SLC5A3: variants seen among roughly 807,000 people sequenced by gnomAD.
The protein encoded by SLC5A3 is sodium/myo-inositol cotransporter.
In SLC5A3, 10 loss-of-function variants were observed where a neutral mutation model predicts 43.2. The observed-to-expected ratio is 0.23, with a 90% CI of 0.14 to 0.39. The LOEUF is 0.39. SLC5A3 is among the 10% of genes least tolerant of loss of function. The pLI is 1.00. For synonymous variants in SLC5A3, 349 were observed against 322.0 expected (o/e 1.08, Z -0.90); for missense variants, 608 against 893.4 (o/e 0.68, Z 4.07).
chr21:34,097,534 T>C lies in SLC5A3; in HGVS notation c.*179T>C. 2 of 1,382,618 alleles carry C rather than the reference T, an allele frequency of 1.4e-6. No homozygotes were observed. The highest frequency in any genetic ancestry group is 9.4e-7 in the Non-Finnish European group (1 of 1,065,676). 85.6% of individuals were successfully genotyped at this position (1,382,618 alleles called of 1,614,324 possible). ...TTTCCCAGAGATGGATTAAAGTAAATCTTCAACTTAAGTGAAGCCAAACCT... is the reference window on the plus strand; with the variant it reads ...TTTCCCAGAGATGGATTAAAGTAAACCTTCAACTTAAGTGAAGCCAAACCT... On this transcript the variant is annotated 3_prime_UTR_variant, in exon 2 of 2. Transcript: ENST00000381151.
In SLC5A3 at chr21:34,097,565, A is replaced by C; in HGVS notation, c.*210A>C. On this transcript the variant is annotated 3_prime_UTR_variant, in exon 2 of 2. Coordinates refer to ENST00000381151, the MANE Select transcript of SLC5A3 (RefSeq NM_006933.7). ...ACTTAAGTGAAGCCAAACCTAACAG[A>C]CTGAATTGTGCAAATGTGGTTTTAA... is the stretch of plus-strand genomic sequence containing the variant. 1 of 1,341,080 alleles carries C rather than the reference A, an allele frequency of 7.5e-7. No individual in the cohort carries two copies. The highest frequency in any genetic ancestry group is 2.0e-5 in the South Asian group (1 of 50,696). 83.1% of individuals were successfully genotyped at this position (1,341,080 alleles called of 1,614,324 possible).
rs1240305901 is a variant in SLC5A3 at position 34,097,531 on chromosome 21, A to C, written c.*176A>C. ...TATTTTCCCAGAGATGGATTAAAGT[A>C]AATCTTCAACTTAAGTGAAGCCAAA... is the stretch of plus-strand genomic sequence containing the variant. On this transcript the variant is annotated 3_prime_UTR_variant, in exon 2 of 2. Transcript: ENST00000381151. 1 of 1,383,784 alleles carries C rather than the reference A, an allele frequency of 7.2e-7. No individual in the cohort carries two copies. Among genetic ancestry groups the C allele is most frequent in the Admixed American group, 3.4e-5 (1 of 29,048 alleles). 85.7% of individuals were successfully genotyped at this position (1,383,784 alleles called of 1,614,324 possible).
chr21:34,086,726 A>T (rs1049164942), intron 1 of SLC5A3, among the ~76,000 whole-genome samples: 3 of 152,148 alleles, frequency 2.0e-5, no homozygotes, highest in Admixed American at 2.0e-4. Flanking sequence ...TCAAACATGT[A>T]GTGTAAAAAT....
chr21:34,103,644 AC>A lies in SLC5A3; in HGVS notation c.*6290del. 1 of 1,000,154 alleles carries A rather than the reference AC, an allele frequency of 1.0e-6. No individual in the cohort carries two copies. The highest frequency in any genetic ancestry group is 1.7e-5 in the African/African-American group (1 of 57,338). 62.0% of individuals were successfully genotyped at this position (1,000,154 alleles called of 1,614,324 possible). A position where few individuals can be genotyped will look rare whatever the true frequency, so the allele number is the denominator to read the frequency against. On this transcript the variant is annotated 3_prime_UTR_variant, in exon 2 of 2. Transcript: ENST00000381151. ...AGACTAATAGTATTCTCTGTATCCCACAAGTGCCAGTCATAAAGGCCACCAG... is the reference window on the plus strand; with the variant it reads ...AGACTAATAGTATTCTCTGTATCCCAAAGTGCCAGTCATAAAGGCCACCAG...
rs1315611556 is a variant in SLC5A3, at chr21:34,102,879, C to T, written c.*5524C>T. 1.0e-6 allele frequency: 1 copy of T among 999,748 alleles called. No individual in the cohort carries two copies. Among genetic ancestry groups the T allele is most frequent in the African/African-American group, 1.7e-5 (1 of 57,242 alleles). 61.9% of individuals were successfully genotyped at this position (999,748 alleles called of 1,614,324 possible). Reference sequence around the variant, plus strand: ...CTATCAATAAGAGGAATACATATTACAGTGAATTCGACAACCGCACAAGTT... The same window carrying T: ...CTATCAATAAGAGGAATACATATTATAGTGAATTCGACAACCGCACAAGTT... On this transcript the variant is annotated 3_prime_UTR_variant, in exon 2 of 2. Transcript: ENST00000381151.
At chr21:34,079,865 A>T (rs1200426560) in intron 1 of SLC5A3, among the ~76,000 whole-genome samples, 1 of 151,936 alleles carries the variant, frequency 6.6e-6, no homozygotes, top group Non-Finnish European at 1.5e-5. Context: ...TGGCACTGCA[A>T]ACTCAGTGTG....
Position 34,103,890 on chromosome 21 carries a change from C to G in SLC5A3, c.*6535C>G. ...GAGGGCTTTTTACTGCAACTTGAAACTGGAGAAATAGGGACAGATGTCTAG... is the reference window on the plus strand; with the variant it reads ...GAGGGCTTTTTACTGCAACTTGAAAGTGGAGAAATAGGGACAGATGTCTAG... On this transcript the variant is annotated 3_prime_UTR_variant, in exon 2 of 2. Transcript: ENST00000381151. The G allele has an allele frequency of 1.0e-6, 1 of 1,000,044 alleles. No individual in the cohort carries two copies. The highest frequency in any genetic ancestry group is 4.7e-5 in the South Asian group (1 of 21,258). 61.9% of individuals were successfully genotyped at this position (1,000,044 alleles called of 1,614,324 possible). A position where few individuals can be genotyped will look rare whatever the true frequency, so the allele number is the denominator to read the frequency against.
chr21:34,103,466 T>G lies in SLC5A3; in HGVS notation c.*6111T>G. 1.0e-6 allele frequency: 1 copy of G among 998,896 alleles called. No homozygotes were observed. The allele number at this position is 998,896 out of a possible 1,614,324, so 61.9% of individuals were successfully genotyped here. On this transcript the variant is annotated 3_prime_UTR_variant, in exon 2 of 2. Transcript: ENST00000381151. ...AAAACTTAAAGTTACTTATGTTCTG[T>G]GATCTTAATTTTGTTGTGTTTCCAT... is the stretch of plus-strand genomic sequence containing the variant.
rs753276201 is a variant in SLC5A3 at position 34,095,882 on chromosome 21, A to C, written c.684A>C (p.Leu228Phe). 2.2e-5 allele frequency: 35 copies of C among 1,613,946 alleles called. No individual in the cohort carries two copies. The South Asian group carries it at 3.4e-4, about 16-fold the overall frequency. The change falls in exon 2 of 2, where the codon TTA becomes TTC. Residue 228 changes from leucine to phenylalanine, a missense_variant. Leu to Phe is a conservative substitution (Grantham distance 22). This residue lies in a region of SLC5A3 where 398 missense variants were observed against 668.6 expected (regional missense o/e 0.60). Coordinates refer to ENST00000381151, the MANE Select transcript of SLC5A3 (RefSeq NM_006933.7). Reference protein sequence around the residue: ...MLASPDVTSILLTYNLSNTNS... With the variant: ...MLASPDVTSIFLTYNLSNTNS... ...CCTCACCCGATGTCACTTCCATCTT[A>C]TTGACATACAACCTTTCCAACACAA... is the stretch of plus-strand genomic sequence containing the variant.
chr21:34,105,328 G>A lies in SLC5A3; in HGVS notation c.*7973G>A, dbSNP rs1979429704. 1 of 998,346 alleles carries A rather than the reference G, an allele frequency of 1.0e-6. No individual in the cohort carries two copies. The highest frequency in any genetic ancestry group is 1.8e-5 in the African/African-American group (1 of 57,136). 61.8% of individuals were successfully genotyped at this position (998,346 alleles called of 1,614,324 possible). A position where few individuals can be genotyped will look rare whatever the true frequency, so the allele number is the denominator to read the frequency against. ...CTTTCTTTTTTCTTTTTGATAAGAT[G>A]GATATCAAAAATAGTTGCTGTGCAA... On this transcript the variant is annotated 3_prime_UTR_variant, in exon 2 of 2. Coordinates refer to ENST00000381151, the MANE Select transcript of SLC5A3 (RefSeq NM_006933.7).
At chr21:34,091,222 T>C (rs1052541540) in intron 1 of SLC5A3, among the ~76,000 whole-genome samples, 6 of 149,766 alleles carry the variant, frequency 4.0e-5, no homozygotes, top group African/African-American at 1.5e-4. Flanking sequence ...GAGGTGGTTG[T>C]TTGGTCACGT....
chr21:34,098,635 A>G lies in SLC5A3; in HGVS notation c.*1280A>G, dbSNP rs1979084097. 1.0e-6 allele frequency: 1 copy of G among 1,000,278 alleles called. No homozygotes were observed. Among genetic ancestry groups the G allele is most frequent in the Non-Finnish European group, 1.2e-6 (1 of 830,006 alleles). The allele number at this position is 1,000,278 out of a possible 1,614,324, so 62.0% of individuals were successfully genotyped here. A position where few individuals can be genotyped will look rare whatever the true frequency, so the allele number is the denominator to read the frequency against. On this transcript the variant is annotated 3_prime_UTR_variant, in exon 2 of 2. Coordinates refer to ENST00000381151, the MANE Select transcript of SLC5A3 (RefSeq NM_006933.7). ...ATAGTCTTTCTGTAGGATGGATAGC[A>G]TGTTTGAGAGGTGCCAAACAAGAAC...
In SLC5A3 at chr21:34,105,441, C is replaced by T; in HGVS notation, c.*8086C>T. 1.0e-6 allele frequency: 1 copy of T among 999,146 alleles called. No individual in the cohort carries two copies. Among genetic ancestry groups the T allele is most frequent in the Non-Finnish European group, 1.2e-6 (1 of 829,248 alleles). 61.9% of individuals were successfully genotyped at this position (999,146 alleles called of 1,614,324 possible). A position where few individuals can be genotyped will look rare whatever the true frequency, so the allele number is the denominator to read the frequency against. ...CTTCATTCATTCATTTATTTTTAAG[C>T]CAAATGTCAGCAGAGTGCTGCTGCT... On this transcript the variant is annotated 3_prime_UTR_variant, in exon 2 of 2. Transcript: ENST00000381151.
Position 34,101,620 on chromosome 21 carries a change from C to A in SLC5A3, c.*4265C>A. The A allele has an allele frequency of 1.0e-6, 1 of 1,000,124 alleles. No homozygotes were observed. The highest frequency in any genetic ancestry group is 1.2e-6 in the Non-Finnish European group (1 of 829,938). 62.0% of individuals were successfully genotyped at this position (1,000,124 alleles called of 1,614,324 possible). On this transcript the variant is annotated 3_prime_UTR_variant, in exon 2 of 2. Coordinates refer to ENST00000381151, the MANE Select transcript of SLC5A3 (RefSeq NM_006933.7). Reference sequence around the variant, plus strand: ...TACACCTAGTCTTTTCAGCACTTAGCAAATTCAAATTTTGATTTTTTTGTC... The same window carrying A: ...TACACCTAGTCTTTTCAGCACTTAGAAAATTCAAATTTTGATTTTTTTGTC...
chr21:34,094,562 C>T (rs986717312), intron 1 of SLC5A3, among the ~76,000 whole-genome samples: 14 of 152,242 alleles, frequency 9.2e-5, no homozygotes, highest in African/African-American at 3.4e-4. Flanking sequence ...GAGCATACCA[C>T]AGTAAGACAA....
chr21:34,096,070 A>G lies in SLC5A3; in HGVS notation c.872A>G (p.Asn291Ser). The change falls in exon 2 of 2, where the codon AAC becomes AGC. Residue 291 changes from asparagine to serine, a missense_variant. Asn to Ser is a conservative substitution (Grantham distance 46). Around this residue, in one of 2 missense-constraint regions of SLC5A3, gnomAD observed 398 missense variants for 668.6 expected, o/e 0.60. Coordinates refer to ENST00000381151, the MANE Select transcript of SLC5A3 (RefSeq NM_006933.7). The surrounding 1 kb of genome is among the most constrained non-coding windows in gnomAD (Gnocchi z 5.9). ...GTGCAGAGGGTCCTTGCAGCCAAAA[A>G]CATTGCTCATGCCAAAGGCTCTACT... Reference protein sequence around the residue: ...VIVQRVLAAKNIAHAKGSTLM... With the variant: ...VIVQRVLAAKSIAHAKGSTLM... 1.2e-6 allele frequency: 2 copies of G among 1,614,084 alleles called. No homozygotes were observed. Among genetic ancestry groups the G allele is most frequent in the Non-Finnish European group, 1.7e-6 (2 of 1,179,988 alleles).
chr21:34,080,295 C>A lies in SLC5A3; in HGVS notation c.-337+6550C>A, dbSNP rs796080967. 1.8e-4 allele frequency among the ~76,000 whole-genome samples: 27 copies of A among 152,336 alleles called. 1 individual carries two copies. Among genetic ancestry groups the A allele is most frequent in the African/African-American group, 6.5e-4 (27 of 41,584 alleles). On this transcript the variant is annotated intron_variant, in intron 1 of 1. Coordinates refer to ENST00000381151, the MANE Select transcript of SLC5A3 (RefSeq NM_006933.7). ...ACTGCATACTTCTCATTTTCAAATA[C>A]ATGCAGGATGAAGTCACATCCAAGG...
chr21:34,101,474 GATA>G lies in SLC5A3; in HGVS notation c.*4123_*4125del. On this transcript the variant is annotated 3_prime_UTR_variant, in exon 2 of 2. Coordinates refer to ENST00000381151, the MANE Select transcript of SLC5A3 (RefSeq NM_006933.7). ...AGGTTGTTGAAGGCATTTCAGTGTT[GATA>G]ATAGCCTGAGCAGACTTCTTTACAA... The G allele has an allele frequency of 1.0e-6, 1 of 1,000,010 alleles. No individual in the cohort carries two copies. Among genetic ancestry groups the G allele is most frequent in the Non-Finnish European group, 1.2e-6 (1 of 829,790 alleles). The allele number at this position is 1,000,010 out of a possible 1,614,324, so 61.9% of individuals were successfully genotyped here.
chr21:34,097,105 C>G lies in SLC5A3; in HGVS notation c.1907C>G (p.Ala636Gly), dbSNP rs1274964526. The G allele has an allele frequency of 6.2e-7, 1 of 1,613,922 alleles. No homozygotes were observed. The highest frequency in any genetic ancestry group is 8.5e-7 in the Non-Finnish European group (1 of 1,179,980). The change falls in exon 2 of 2, where the codon GCA (alanine) becomes GGA (glycine). Residue 636 changes from alanine (A) to glycine (G), a missense_variant. By Grantham distance (60) the Ala-to-Gly change is moderately conservative. Coordinates refer to ENST00000381151, the MANE Select transcript of SLC5A3 (RefSeq NM_006933.7). Reference protein sequence around the residue: ...TPVDAYSNGQAALMGEKERKK... With the variant: ...TPVDAYSNGQGALMGEKERKK... ...GTTGACGCTTACTCCAATGGGCAAG[C>G]AGCTCTCATGGGTGAGAAAGAGAGA...
Sources: gnomAD v4.1 joint callset for allele counts (sites outside exome capture counted in the v4.1 genomes callset) on GRCh38, gnomAD v4.1.1 for gene constraint, gnomAD v4.1.1 regional missense constraint, Gnocchi (gnomAD v3.1) non-coding constraint, MANE v1.5 for transcripts, NCBI Gene and HGNC (gene_info 2026-07-23, HGNC 2026-07-21) for gene names.